PAX3: variants seen among roughly 807,000 people sequenced by gnomAD.
PAX3 encodes the protein paired box 3.
Under a neutral mutation model 51.6 loss-of-function variants are expected in PAX3, and 14 were observed. The observed-to-expected ratio is 0.27, with a 90% confidence interval of 0.18 to 0.42. PAX3 has a LOEUF of 0.42. Ranked by LOEUF, PAX3 falls within the 10% of genes least tolerant of loss-of-function variation. PAX3 has a pLI of 1.00. For synonymous variants in PAX3, 280 were observed against 253.4 expected (o/e 1.11, Z -1.00); for missense variants, 540 against 642.8 (o/e 0.84, Z 1.73).
At chr2:222,292,830 A>G (rs1221091905) in intron 4 of PAX3, among the ~76,000 whole-genome samples, 2 of 152,172 alleles carry the variant, frequency 1.3e-5, no homozygotes, top group Non-Finnish European at 2.9e-5. Context: ...TCCCTGCCCA[A>G]CCTGCTGTGG....
chr2:222,259,076 C>G (rs1693750536), intron 4 of PAX3, among the ~76,000 whole-genome samples: 1 of 152,060 alleles, frequency 6.6e-6, no homozygotes, highest in Non-Finnish European at 1.5e-5. Flanking sequence ...ATAATCTTAA[C>G]ATTTCAAGTT....
At chr2:222,221,541 C>T (rs1475026413) in intron 5 of PAX3, 154 bp from the exon 6 acceptor site, 18 of 731,936 alleles carry the variant, frequency 2.5e-5, no homozygotes, top group Non-Finnish European at 4.2e-5. Flanking sequence ...GGCGAATTGT[C>T]AGGAGTAAAA....
intron 4 of PAX3, among the ~76,000 whole-genome samples, chr2:222,241,955 T>A (rs1693031548): frequency 6.6e-6 from 1 of 152,238 alleles, no homozygotes; most frequent in East Asian, 1.9e-4. Flanking sequence ...AACTGCAGAA[T>A]TTTAGAAATG....
At chr2:222,240,780 T>C (rs2106109921) in intron 4 of PAX3, among the ~76,000 whole-genome samples, 1 of 152,324 alleles carries the variant, frequency 6.6e-6, no homozygotes, top group South Asian at 2.1e-4. Flanking sequence ...TGTGTATATG[T>C]GTGTAACAAG....
intron 4 of PAX3, among the ~76,000 whole-genome samples, chr2:222,243,703 A>G (rs12328532): frequency 0.094 from 14,318 of 152,310 alleles, 732 homozygotes; most frequent in Middle Eastern, 0.12. Flanking sequence ...TGGCATTTCA[A>G]GATTGTTTCT....
intron 4 of PAX3, among the ~76,000 whole-genome samples, chr2:222,285,497 G>A (rs45504792): frequency 1.4e-3 from 209 of 152,246 alleles, no homozygotes; most frequent in African/African-American, 4.8e-3. Context: ...TTCATTTTCT[G>A]TATATATGCA....
chr2:222,271,684 A>G (rs1694258694), intron 4 of PAX3, among the ~76,000 whole-genome samples: 1 of 152,214 alleles, frequency 6.6e-6, no homozygotes, highest in African/African-American at 2.4e-5. Context: ...CATTGAAGCT[A>G]CCTAAGTAAT....
intron 7 of PAX3, among the ~76,000 whole-genome samples, chr2:222,213,530 A>G (rs1691833007): frequency 6.6e-6 from 1 of 152,176 alleles, no homozygotes; most frequent in African/African-American, 2.4e-5. Context: ...AGCCCTGGCA[A>G]TCAGCACACA....
At chr2:222,228,403 T>C (rs1054785168) in intron 5 of PAX3, among the ~76,000 whole-genome samples, 1 of 152,170 alleles carries the variant, frequency 6.6e-6, no homozygotes, top group Non-Finnish European at 1.5e-5. Context: ...TGAAAGTTAA[T>C]GGGCCATTAT....
intron 7 of PAX3, among the ~76,000 whole-genome samples, chr2:222,208,864 T>C (rs1037379718): frequency 2.0e-5 from 3 of 152,186 alleles, no homozygotes; most frequent in African/African-American, 7.2e-5. Context: ...TTCAGTGATA[T>C]GGCATTCAAA....
chr2:222,266,161 T>C (rs1482809636), intron 4 of PAX3, among the ~76,000 whole-genome samples: 1 of 152,176 alleles, frequency 6.6e-6, no homozygotes, highest in Non-Finnish European at 1.5e-5. Context: ...CACGGAAACA[T>C]ATCCTGATTG....
At chr2:222,203,298 C>T (rs1055761069) in intron 7 of PAX3, among the ~76,000 whole-genome samples, 3 of 151,610 alleles carry the variant, frequency 2.0e-5, no homozygotes, top group East Asian at 2.0e-4. Context: ...AGAGAGGAAG[C>T]GATTTTTCTA....
intron 4 of PAX3, among the ~76,000 whole-genome samples, chr2:222,252,674 T>G (rs1206427796): frequency 6.6e-6 from 1 of 152,152 alleles, no homozygotes; most frequent in African/African-American, 2.4e-5. Context: ...GTTATTCTCC[T>G]ATGTTCAGAT....
rs868395245 is a variant in PAX3 at position 222,252,222 on chromosome 2, A to G, written c.587-19939T>C. 2.2e-4 allele frequency among the ~76,000 whole-genome samples: 34 copies of G among 152,362 alleles called. 1 individual carries two copies. The Middle Eastern group carries it at 0.017, about 76-fold the overall frequency. On this transcript the variant is annotated intron_variant, in intron 4 of 8. Transcript: ENST00000392070. ...CAGCAGAGCTGAGTAGTGTTAACAG[A>G]GGCCAGTGGCCCCAAAAAGCCAAAA...
chr2:222,252,588 C>T (rs1229227553), intron 4 of PAX3, among the ~76,000 whole-genome samples: 1 of 152,138 alleles, frequency 6.6e-6, no homozygotes, highest in Admixed American at 6.5e-5. Flanking sequence ...AGACTCAAAA[C>T]TCCCATTATC....
intron 4 of PAX3, among the ~76,000 whole-genome samples, chr2:222,281,839 T>A (rs1051437922): frequency 2.6e-5 from 4 of 152,178 alleles, no homozygotes; most frequent in Admixed American, 6.5e-5. Flanking sequence ...TTCCATCCCC[T>A]GACTGACCCC....
In PAX3 at chr2:222,298,398, C is replaced by T. The variant is rs1695420463; in HGVS notation, c.85+133G>A. ...AGTAGGTCCTCGCCCCCGACTGGTG[C>T]TTCTTGGGGTGTGGGGTGCCCAGGG... is the stretch of plus-strand genomic sequence containing the variant. On this transcript the variant is annotated intron_variant, in intron 1 of 8. Coordinates refer to ENST00000392070, the MANE Select transcript of PAX3 (RefSeq NM_181458.4). 3 of 698,632 alleles carry T rather than the reference C, an allele frequency of 4.3e-6. No homozygotes were observed. The African/African-American group carries it at 5.4e-5, about 12-fold the overall frequency. The allele number at this position is 698,632 out of a possible 1,614,324, so 43.3% of individuals were successfully genotyped here.
chr2:222,270,066 G>C (rs1174138815), intron 4 of PAX3, among the ~76,000 whole-genome samples: 1 of 152,184 alleles, frequency 6.6e-6, no homozygotes, highest in Non-Finnish European at 1.5e-5. Flanking sequence ...CAACACTGTA[G>C]CTGAGGCTAT....
intron 4 of PAX3, among the ~76,000 whole-genome samples, chr2:222,236,772 T>A (rs1427457936): frequency 1.3e-5 from 2 of 152,156 alleles, no homozygotes; most frequent in Non-Finnish European, 2.9e-5. Context: ...TAAGGGAAGA[T>A]TCTAAATTAC....
Sources: allele counts gnomAD v4.1 joint callset (sites outside exome capture counted in the v4.1 genomes callset), GRCh38; gene constraint gnomAD v4.1.1; transcripts MANE v1.5; gene names NCBI Gene and HGNC (gene_info 2026-07-23, HGNC 2026-07-21).